The following AMPH variants were observed in gnomAD, a reference collection of about 807,000 sequenced individuals.
AMPH encodes amphiphysin (Stiff-Mann syndrome with breast cancer 128kD autoantigen).
A neutral mutation model predicts 99.1 loss-of-function variants in AMPH; 49 were observed. The ratio of observed to expected loss-of-function variants is 0.49; its 90% CI spans 0.39 to 0.63. The LOEUF (loss-of-function observed/expected upper bound fraction) is 0.63, where lower values mean the gene tolerates loss of function less well. Among genes scored for constraint, AMPH ranks in the 20% least tolerant of loss-of-function variants. AMPH has a pLI of 0.00. For synonymous variants in AMPH, 314 were observed against 317.3 expected (o/e 0.99, Z 0.11); for missense variants, 759 against 863.4 (o/e 0.88, Z 1.52).
In AMPH at chr7:38,535,068, T is replaced by C; in HGVS notation, c.70-57A>G. ...TTAATAATGTTTTCAAAGAAAGATG[T>C]GCATTTTCTGTTAATGGAGCAAGGC... On this transcript the variant is annotated intron_variant, in intron 1 of 20. Transcript: ENST00000356264. 5 of 1,483,674 alleles carry C rather than the reference T, an allele frequency of 3.4e-6. 1 individual carries two copies. The East Asian group carries it at 1.1e-4, about 34-fold the overall frequency. 91.9% of individuals were successfully genotyped at this position (1,483,674 alleles called of 1,614,324 possible). A position where few individuals can be genotyped will look rare whatever the true frequency, so the allele number is the denominator to read the frequency against.
rs1366345780 is a variant in AMPH, at chr7:38,473,969, G to A, written c.590+1362C>T. Among the ~76,000 whole-genome samples the A allele has an allele frequency of 4.6e-5, 7 of 152,030 alleles. No homozygotes were observed. In the South Asian group the frequency reaches 1.5e-3, roughly 32 times the overall value. Reference sequence around the variant, plus strand: ...GGTCTTCTTTAGGCACATACAGTGAGGTCCTAAGCAGGCCACAGAGATGTC... The same window carrying A: ...GGTCTTCTTTAGGCACATACAGTGAAGTCCTAAGCAGGCCACAGAGATGTC... On this transcript the variant is annotated intron_variant, in intron 7 of 20. Transcript: ENST00000356264.
intron 2 of AMPH, among the ~76,000 whole-genome samples, chr7:38,532,332 G>T (rs1790431510): frequency 1.3e-5 from 2 of 152,090 alleles, no homozygotes; most frequent in African/African-American, 4.8e-5. Flanking sequence ...TATTTTAGAT[G>T]CAAAAATATT....
intron 20 of AMPH, 118 bp downstream of exon 20, chr7:38,389,686 T>C (rs766998948): frequency 5.1e-5 from 42 of 823,616 alleles, no homozygotes; most frequent in Non-Finnish European, 7.8e-5. Context: ...CTTAAGCCCT[T>C]TTCAGATGGC....
At chr7:38,591,879 C>T (rs973836797) in intron 1 of AMPH, among the ~76,000 whole-genome samples, 4 of 152,182 alleles carry the variant, frequency 2.6e-5, no homozygotes, top group African/African-American at 7.2e-5. Context: ...CTGAGACCAG[C>T]TTGGTCGTGG....
intron 1 of AMPH, among the ~76,000 whole-genome samples, chr7:38,543,239 A>C (rs1172538693): frequency 1.3e-5 from 2 of 152,176 alleles, no homozygotes; most frequent in African/African-American, 2.4e-5. Context: ...CCTGGGTGAG[A>C]GATCAAGACC....
intron 1 of AMPH, among the ~76,000 whole-genome samples, chr7:38,565,123 C>CA (rs35508498): frequency 4.6e-4 from 58 of 125,474 alleles, no homozygotes; most frequent in East Asian, 4.6e-3. Context: ...GACTCCGTCT[C>CA]AAAAAAAAAA....
rs1412104437 is a variant in AMPH, at chr7:38,436,319, C to G, written c.1087G>C (p.Val363Leu). The change falls in exon 12 of 21, where the codon GTG becomes CTG. Residue 363 changes from valine to leucine, a missense_variant. Transcript: ENST00000356264. ...ACTCCAGCAGAACCTGCAGGTGTCA[C>G]CTCGGGCTTGAAAGGATCAAAGTCC... Reference protein sequence around the residue: ...DLDFDPFKPEVTPAGSAGVTH... With the variant: ...DLDFDPFKPELTPAGSAGVTH... 1.9e-6 allele frequency: 3 copies of G among 1,614,168 alleles called. No homozygotes were observed. The East Asian group carries it at 6.7e-5, about 36-fold the overall frequency.
At chr7:38,624,421 A>C (rs937930585) in intron 1 of AMPH, among the ~76,000 whole-genome samples, 2 of 151,422 alleles carry the variant, frequency 1.3e-5, no homozygotes, top group Non-Finnish European at 2.9e-5. Context: ...TTTGAGATGG[A>C]GTTCGCTCTG....
intron 1 of AMPH, among the ~76,000 whole-genome samples, chr7:38,566,503 T>C (rs1791748631): frequency 6.6e-6 from 1 of 152,002 alleles, no homozygotes; most frequent in Non-Finnish European, 1.5e-5. Context: ...AGTTCATGAC[T>C]AAAACACAAA....
chr7:38,626,816 A>C (rs11761761), intron 1 of AMPH, among the ~76,000 whole-genome samples: 23,871 of 152,196 alleles, frequency 0.16, 1,987 homozygotes, highest in Middle Eastern at 0.22. Flanking sequence ...AAAGGAACTT[A>C]AGCAAATTTA....
intron 1 of AMPH, among the ~76,000 whole-genome samples, chr7:38,579,362 G>T (rs1211621228): frequency 1.3e-5 from 2 of 152,182 alleles, no homozygotes; most frequent in Non-Finnish European, 2.9e-5. Flanking sequence ...CCACCTGTTG[G>T]CTTTGCTTTC....
rs1178717187 is a variant in AMPH, at chr7:38,610,382, G to GGAAAA, written c.69+20896_69+20900dup. ...AGAAAAGAAAAGAAAAGAAAGGAAA[G>GGAAAA]GAAAAGAAAAGAAAAGAAAAGAAAA... On this transcript the variant is annotated intron_variant, in intron 1 of 20. Coordinates refer to ENST00000356264, the MANE Select transcript of AMPH (RefSeq NM_001635.4). 1.3e-3 allele frequency among the ~76,000 whole-genome samples: 30 copies of GGAAAA among 22,964 alleles called. 1 individual carries two copies. Among genetic ancestry groups the GGAAAA allele is most frequent in the East Asian group, 7.4e-3 (15 of 2,022 alleles). The allele number at this position is 22,964 out of a possible 152,430, so 15.1% of individuals were successfully genotyped here.
At chr7:38,486,484 C>A (rs1401621409) in intron 5 of AMPH, among the ~76,000 whole-genome samples, 1 of 152,012 alleles carries the variant, frequency 6.6e-6, no homozygotes, top group Admixed American at 6.6e-5. Context: ...CAGATAGCTT[C>A]ATTGGCAAAT....
At chr7:38,433,724 C>CACAAAACA (rs1792136082) in intron 12 of AMPH, among the ~76,000 whole-genome samples, 1 of 53,192 alleles carries the variant, frequency 1.9e-5, no homozygotes, top group Non-Finnish European at 3.1e-5. Context: ...GACTCCGTCT[C>CACAAAACA]AAAAAAAAAA....
At chr7:38,428,242 A>G (rs1544636) in intron 14 of AMPH, 380,338 of 456,580 alleles carry the variant, frequency 0.83, 159,941 homozygotes, top group Non-Finnish European at 0.88. Flanking sequence ...GCTGAATCCA[A>G]GCTTGGCTGC....
At chr7:38,435,474 A>T (rs1786224810) in intron 12 of AMPH, among the ~76,000 whole-genome samples, 1 of 152,220 alleles carries the variant, frequency 6.6e-6, no homozygotes, top group Non-Finnish European at 1.5e-5. Context: ...ATTTGCCTAA[A>T]TTCATATGTG....
rs78183806 is a variant in AMPH at position 38,465,943 on chromosome 7, T to C, written c.666+230A>G. Among the ~76,000 whole-genome samples, 1,321 of 152,202 alleles carry C rather than the reference T, an allele frequency of 8.7e-3. 56 individuals carry two copies. In the South Asian group the frequency reaches 0.11, roughly 12 times the overall value. On this transcript the variant is annotated intron_variant, in intron 8 of 20. Coordinates refer to ENST00000356264, the MANE Select transcript of AMPH (RefSeq NM_001635.4). ...GGGAATTCCAACTTTATAAACTGCC[T>C]GGTAAAAGAAACAACACTGTAAAAC...
In AMPH at chr7:38,384,937, T is replaced by C. The variant is rs752063974; in HGVS notation, c.1981-12A>G. The C allele has an allele frequency of 4.3e-6, 7 of 1,611,506 alleles. No individual in the cohort carries two copies. The highest frequency in any genetic ancestry group is 5.9e-6 in the Non-Finnish European group (7 of 1,177,876). On this transcript the variant is annotated splice_polypyrimidine_tract_variant and intron_variant, in intron 20 of 20. Transcript: ENST00000356264. ...AGCCAGCCTGCATCCTGAAAAACAA[T>C]GACAGAACTTTCAGGGTCCAGCAAA... is the stretch of plus-strand genomic sequence containing the variant.
At chr7:38,608,202 A>G (rs1403440409) in intron 1 of AMPH, among the ~76,000 whole-genome samples, 1 of 152,140 alleles carries the variant, frequency 6.6e-6, no homozygotes, top group African/African-American at 2.4e-5. Flanking sequence ...GTTGCTGTGC[A>G]TAAGACACAG....
Sources: gnomAD v4.1 joint callset for allele counts (sites outside exome capture counted in the v4.1 genomes callset) on GRCh38, gnomAD v4.1.1 for gene constraint, MANE v1.5 for transcripts, NCBI Gene and HGNC (gene_info 2026-07-23, HGNC 2026-07-21) for gene names.